HDAC9: variants seen among roughly 807,000 people sequenced by gnomAD.
HDAC9 encodes MEF-2 interacting transcription repressor (MITR) protein.
In HDAC9, 41 loss-of-function variants were observed where a neutral mutation model predicts 139.4. The observed-to-expected ratio is 0.29, with a 90% CI of 0.23 to 0.38. The LOEUF (loss-of-function observed/expected upper bound fraction) is 0.38. Among genes scored for constraint, HDAC9 ranks in the 10% least tolerant of loss-of-function variants. The pLI, the probability that HDAC9 is intolerant of heterozygous loss-of-function variation, is 1.00. For synonymous variants in HDAC9, 517 were observed against 476.2 expected (o/e 1.09, Z -1.12); for missense variants, 1,147 against 1,297.0 (o/e 0.88, Z 1.78).
intron 1 of HDAC9, among the ~76,000 whole-genome samples, chr7:18,380,955 T>C (rs1785377869): frequency 2.0e-5 from 3 of 151,916 alleles, no homozygotes; most frequent in African/African-American, 7.3e-5. Context: ...TTTGGCACTT[T>C]GGGAGGACGA....
intron 22 of HDAC9, among the ~76,000 whole-genome samples, chr7:18,902,140 CTG>C (rs780341773): frequency 1.6e-4 from 25 of 152,338 alleles, no homozygotes; most frequent in Non-Finnish European, 2.8e-4. Flanking sequence ...GCATCCCAAA[CTG>C]TCTTCCTTAA....
chr7:18,710,423 GATT>G (rs1784258455), intron 12 of HDAC9, among the ~76,000 whole-genome samples: 1 of 152,072 alleles, frequency 6.6e-6, no homozygotes, highest in African/African-American at 2.4e-5. Context: ...ACTTCAGAAT[GATT>G]ATTTTCACAT....
At chr7:18,450,792 A>C (rs574804128) in intron 1 of HDAC9, among the ~76,000 whole-genome samples, 13 of 152,134 alleles carry the variant, frequency 8.5e-5, no homozygotes, top group Non-Finnish European at 1.8e-4. Context: ...CAGAGATTAT[A>C]TTGTGATTGG....
chr7:18,525,884 T>C lies in HDAC9; in HGVS notation c.22+29560T>C, dbSNP rs143045386. 4.8e-3 allele frequency among the ~76,000 whole-genome samples: 730 copies of C among 152,276 alleles called. 3 individuals are homozygous for C. The highest frequency in any genetic ancestry group is 5.5e-3 in the Non-Finnish European group (376 of 68,004). On this transcript the variant is annotated intron_variant, in intron 2 of 25. Transcript: ENST00000686413. ...TGTTTCACTTACTTTCTGCATACGATTTCTGGCTTACTTGACTCTTAAGTT... is the reference window on the plus strand; with the variant it reads ...TGTTTCACTTACTTTCTGCATACGACTTCTGGCTTACTTGACTCTTAAGTT...
intron 1 of HDAC9, among the ~76,000 whole-genome samples, chr7:18,310,019 A>T (rs1198489030): frequency 6.6e-6 from 1 of 152,108 alleles, no homozygotes; most frequent in South Asian, 2.1e-4. Context: ...TGGTTCAGAC[A>T]CTGGTGCAGC....
In HDAC9 at chr7:18,272,922, AC is replaced by A. The variant is rs1796449451; in HGVS notation, c.25+110574del. 1.3e-4 allele frequency among the ~76,000 whole-genome samples: 4 copies of A among 30,426 alleles called. No homozygotes were observed. The Admixed American group carries it at 1.6e-3, about 12-fold the overall frequency. The allele number at this position is 30,426 out of a possible 152,430, so 20.0% of individuals were successfully genotyped here. On this transcript the variant is annotated intron_variant, in intron 2 of 12. Coordinates refer to the HDAC9 transcript ENST00000417496. The stretch of plus-strand genomic sequence containing the variant: ...AGATAACTAGACTACTGCTACTACT[AC>A]TACTACTACTACTACTACTACTACT...
chr7:18,322,703 GCAGA>G (rs1390016449), intron 1 of HDAC9, among the ~76,000 whole-genome samples: 1 of 152,252 alleles, frequency 6.6e-6, no homozygotes, highest in East Asian at 1.9e-4. Context: ...GGAGAAGAAA[GCAGA>G]CAGTCATGGA....
intron 17 of HDAC9, among the ~76,000 whole-genome samples, chr7:18,828,718 A>G (rs1795638824): frequency 6.6e-6 from 1 of 152,166 alleles, no homozygotes; most frequent in African/African-American, 2.4e-5. Flanking sequence ...GTAAATAACC[A>G]TCAAGGAGAT....
chr7:18,998,017 T>A lies in HDAC9; in HGVS notation c.*1955T>A, dbSNP rs1314010482. 1 of 152,136 alleles carries A rather than the reference T, an allele frequency of 6.6e-6. No homozygotes were observed. The highest frequency in any genetic ancestry group is 2.4e-5 in the African/African-American group (1 of 41,456). 9.4% of individuals were successfully genotyped at this position (152,136 alleles called of 1,614,324 possible). ...TTATAAATTTTATTTTCATGAGAAA[T>A]TCATACCAATCATATTTGCTAGCTT... is the stretch of plus-strand genomic sequence containing the variant. On this transcript the variant is annotated 3_prime_UTR_variant, in exon 26 of 26. Transcript: ENST00000686413.
intron 22 of HDAC9, among the ~76,000 whole-genome samples, chr7:18,929,702 C>G (rs1339096744): frequency 6.6e-6 from 1 of 152,116 alleles, no homozygotes; most frequent in Non-Finnish European, 1.5e-5. Context: ...CTTTGGGAGG[C>G]AAAGGCTGGT....
intron 15 of HDAC9, among the ~76,000 whole-genome samples, chr7:18,763,864 C>G (rs998641759): frequency 4.6e-5 from 7 of 152,086 alleles, no homozygotes; most frequent in African/African-American, 1.7e-4. Context: ...AATCAACCTT[C>G]CAACTTTATT....
intron 21 of HDAC9, among the ~76,000 whole-genome samples, chr7:18,847,683 G>C (rs1424891431): frequency 6.6e-6 from 1 of 152,194 alleles, no homozygotes; most frequent in Non-Finnish European, 1.5e-5. Flanking sequence ...GCAAAAACGA[G>C]GAAGTCTCCC....
At chr7:18,171,805 C>T (rs990843302) in intron 2 of HDAC9, among the ~76,000 whole-genome samples, 3 of 152,098 alleles carry the variant, frequency 2.0e-5, no homozygotes, top group Non-Finnish European at 2.9e-5. Flanking sequence ...CCAACTTGTT[C>T]GTGGTGGATA....
chr7:18,514,377 G>A (rs554717921), intron 2 of HDAC9, among the ~76,000 whole-genome samples: 25 of 152,236 alleles, frequency 1.6e-4, no homozygotes, highest in African/African-American at 5.8e-4. Flanking sequence ...TGTATCGTTA[G>A]TGTTCATGTT....
intron 6 of HDAC9, among the ~76,000 whole-genome samples, chr7:18,601,568 G>A (rs1833957947): frequency 6.6e-6 from 1 of 152,056 alleles, no homozygotes; most frequent in African/African-American, 2.4e-5. Context: ...CCAATGTCAG[G>A]GGAAAGCATT....
chr7:18,145,071 A>G (rs1786205408), intron 1 of HDAC9, among the ~76,000 whole-genome samples: 1 of 152,218 alleles, frequency 6.6e-6, no homozygotes, highest in African/African-American at 2.4e-5. Context: ...CAACACTTAG[A>G]CTTTAGGTCA....
At chr7:18,982,531 C>T (rs113377549) in intron 25 of HDAC9, among the ~76,000 whole-genome samples, 103 of 152,108 alleles carry the variant, frequency 6.8e-4, no homozygotes, top group African/African-American at 2.2e-3. Context: ...AACATGCACA[C>T]GTTCTAAGAT....
At chr7:18,966,342 C>T (rs1443171645) in intron 24 of HDAC9, among the ~76,000 whole-genome samples, 1 of 152,180 alleles carries the variant, frequency 6.6e-6, no homozygotes, top group Non-Finnish European at 1.5e-5. Context: ...AACATTGCTG[C>T]CACTTGGCAC....
intron 17 of HDAC9, among the ~76,000 whole-genome samples, chr7:18,827,654 A>T (rs1562969112): frequency 6.6e-6 from 1 of 152,186 alleles, no homozygotes; most frequent in African/African-American, 2.4e-5. Context: ...GTTATGCCAT[A>T]CCTTTAACCC....
Sources: gnomAD v4.1 joint callset for allele counts (sites outside exome capture counted in the v4.1 genomes callset) on GRCh38, gnomAD v4.1.1 for gene constraint, MANE v1.5 for transcripts, NCBI Gene and HGNC (gene_info 2026-07-23, HGNC 2026-07-21) for gene names.